MEI1: variants seen among roughly 807,000 people sequenced by gnomAD.
MEI1 encodes meiosis inhibitor protein 1.
In MEI1, 103 loss-of-function variants were observed where a neutral mutation model predicts 146.2. The observed-to-expected ratio is 0.70, with a 90% CI of 0.60 to 0.83. MEI1 has a LOEUF of 0.83. MEI1 is among the 40% of genes least tolerant of loss of function. The probability of loss-of-function intolerance (pLI) is 0.00; values close to 1 mark genes in which losing one functional copy is unlikely to be tolerated. For synonymous variants in MEI1, 652 were observed against 628.2 expected, an observed-to-expected ratio of 1.04 and a Z score of -0.57; for missense variants, 1,529 against 1,533.0, an observed-to-expected ratio of 1.00 and a Z score of 0.04.
chr22:41,704,826 T>G (rs2147221705), intron 2 of MEI1, among the ~76,000 whole-genome samples: 1 of 152,296 alleles, frequency 6.6e-6, no homozygotes, highest in Admixed American at 6.5e-5. Context: ...GCCATTCTCC[T>G]GACTCAGCTT....
chr22:41,745,558 G>A (rs1027694981), intron 13 of MEI1, among the ~76,000 whole-genome samples: 13 of 152,212 alleles, frequency 8.5e-5, no homozygotes, highest in Admixed American at 2.6e-4. Flanking sequence ...TCAAGAATCC[G>A]GGGAAGGTAT....
chr22:41,751,566 G>T (rs2073751473), intron 15 of MEI1, among the ~76,000 whole-genome samples: 1 of 150,496 alleles, frequency 6.6e-6, no homozygotes, highest in South Asian at 2.1e-4. Flanking sequence ...GATCACCTGA[G>T]GTCCGATACC....
chr22:41,772,748 CTT>C (rs990388596), intron 20 of MEI1, among the ~76,000 whole-genome samples: 1 of 152,164 alleles, frequency 6.6e-6, no homozygotes, highest in Non-Finnish European at 1.5e-5. Flanking sequence ...CTGAGGCTCT[CTT>C]TTTACTCAGT....
intron 24 of MEI1, among the ~76,000 whole-genome samples, chr22:41,783,778 C>G (rs1398761454): frequency 1.3e-5 from 2 of 152,178 alleles, no homozygotes; most frequent in African/African-American, 4.8e-5. Flanking sequence ...CCTCCCAGCT[C>G]AAGTGATTAT....
At chr22:41,700,358 T>G (rs2068607149) in intron 1 of MEI1, among the ~76,000 whole-genome samples, 1 of 152,098 alleles carries the variant, frequency 6.6e-6, no homozygotes, top group Non-Finnish European at 1.5e-5. Flanking sequence ...CGAGACGGAG[T>G]CTCGCTCTGA....
intron 3 of MEI1, among the ~76,000 whole-genome samples, chr22:41,710,071 A>G (rs1463308304): frequency 6.6e-6 from 1 of 152,060 alleles, no homozygotes; most frequent in Non-Finnish European, 1.5e-5. Context: ...TGATTAAGCT[A>G]AAATGAGGCA....
chr22:41,794,496 T>C lies in MEI1; in HGVS notation c.3534+19T>C, dbSNP rs557163685. On this transcript the variant is annotated intron_variant, in intron 28 of 30. Coordinates refer to ENST00000401548, the MANE Select transcript of MEI1 (RefSeq NM_152513.4). ...GACCCTGGTAAGTGCAGAAAGGATA[T>C]CTTGTGGTCTGAGGAGTGTCATGAG... The C allele has an allele frequency of 1.9e-6, 3 of 1,601,010 alleles. No individual in the cohort carries two copies. Among genetic ancestry groups the C allele is most frequent in the Middle Eastern group, 3.3e-4 (2 of 6,034 alleles).
At chr22:41,733,046 G>T (rs2072005276) in intron 11 of MEI1, among the ~76,000 whole-genome samples, 1 of 152,078 alleles carries the variant, frequency 6.6e-6, no homozygotes. Context: ...CTCCCAAAGT[G>T]CTGGGATTAC....
chr22:41,794,677 C>T (rs2076302529), intron 28 of MEI1, among the ~76,000 whole-genome samples, 200 bp downstream of exon 28: 1 of 152,134 alleles, frequency 6.6e-6, no homozygotes, highest in African/African-American at 2.4e-5. Context: ...ACTCCGACAC[C>T]CTTTCCCCTA....
At chr22:41,731,344 G>A (rs1374211347) in intron 9 of MEI1, among the ~76,000 whole-genome samples, 2 of 151,238 alleles carry the variant, frequency 1.3e-5, no homozygotes, top group African/African-American at 2.4e-5. Flanking sequence ...GAGCCACCAC[G>A]CCAGGCGACT....
chr22:41,715,641 C>T (rs946673518), intron 4 of MEI1, among the ~76,000 whole-genome samples: 15 of 151,986 alleles, frequency 9.9e-5, no homozygotes, highest in Non-Finnish European at 1.6e-4. Context: ...GTGATCCGCC[C>T]GCCTCGGCCT....
chr22:41,752,524 A>C, intron 15 of MEI1, 67 bp from the exon 16 acceptor site: 1 of 1,408,360 alleles, frequency 7.1e-7, no homozygotes, highest in Non-Finnish European at 9.8e-7. Context: ...GATACCACCC[A>C]GGCTTGGGAC....
chr22:41,703,788 A>G (rs1398499447), intron 2 of MEI1, among the ~76,000 whole-genome samples: 1 of 152,198 alleles, frequency 6.6e-6, no homozygotes, highest in Non-Finnish European at 1.5e-5. Context: ...GTTAGAGACT[A>G]GCCTGGTCAA....
At chr22:41,703,854 C>T (rs558091748) in intron 2 of MEI1, among the ~76,000 whole-genome samples, 12 of 152,230 alleles carry the variant, frequency 7.9e-5, no homozygotes, top group South Asian at 2.1e-4. Context: ...AGTGTGGTGG[C>T]GCGTGCCTGT....
At position 41,699,625 on chromosome 22, in the gene MEI1, C is replaced by G; in HGVS notation, c.87C>G (p.Tyr29Ter). Residue 29 changes from tyrosine to a stop codon, truncating the protein, a stop_gained, in exon 1 of 31, where the codon TAC becomes TAG. Transcript: ENST00000401548. LOFTEE classifies it high-confidence loss of function. Reference sequence around the variant, plus strand: ...CGCTTCTATTCGAGAGGGCCCATTACCGGCACGACCCGCGCTGGCTGCTGC... The same window carrying G: ...CGCTTCTATTCGAGAGGGCCCATTAGCGGCACGACCCGCGCTGGCTGCTGC... The part of the protein sequence containing the change: ...EAALLFERAH[Y>*]RHDPRWLLPV... The G allele has an allele frequency of 6.2e-7, 1 of 1,609,762 alleles. No individual in the cohort carries two copies.
chr22:41,763,561 G>A (rs1180165316), intron 19 of MEI1, among the ~76,000 whole-genome samples: 1 of 151,820 alleles, frequency 6.6e-6, no homozygotes, highest in Non-Finnish European at 1.5e-5. Flanking sequence ...AAGAAAATCG[G>A]GACTGAGGCT....
chr22:41,729,146 CAG>C (rs1198525250), intron 7 of MEI1, among the ~76,000 whole-genome samples: 2 of 113,966 alleles, frequency 1.8e-5, no homozygotes, highest in Non-Finnish European at 3.3e-5. Flanking sequence ...GCCTGGGCGA[CAG>C]AGTGAGACTC....
At chr22:41,725,118 A>ATT (rs113532831) in intron 7 of MEI1, among the ~76,000 whole-genome samples, 1 of 145,738 alleles carries the variant, frequency 6.9e-6, no homozygotes, top group African/African-American at 2.6e-5. Context: ...GTAAATTATT[A>ATT]TTATTTTTTT....
chr22:41,734,367 C>T (rs1484088382), intron 11 of MEI1, among the ~76,000 whole-genome samples: 1 of 151,910 alleles, frequency 6.6e-6, no homozygotes, highest in Non-Finnish European at 1.5e-5. Context: ...CTGAGGCGGG[C>T]CAATTACCTG....
Sources: allele counts gnomAD v4.1 joint callset (sites outside exome capture counted in the v4.1 genomes callset), GRCh38; gene constraint gnomAD v4.1.1; transcripts MANE v1.5; gene names NCBI Gene and HGNC (gene_info 2026-07-23, HGNC 2026-07-21).